Variants in BTD observed in about 807,000 individuals in gnomAD.
BTD encodes biotinidase, also known as biocytinase.
A neutral mutation model predicts 17.7 loss-of-function variants in BTD; 13 were observed. The observed-to-expected ratio is 0.74, with a 90% CI of 0.48 to 1.17. The LOEUF is 1.17. Ranked by LOEUF, BTD falls within the 50% of genes most tolerant of loss-of-function variation. BTD has a pLI of 0.00. For synonymous variants in BTD, 240 were observed against 245.2 expected, an observed-to-expected ratio of 0.98 and a Z score of 0.20; for missense variants, 674 against 650.4, an observed-to-expected ratio of 1.04 and a Z score of -0.39.
Position 15,649,308 on chromosome 3 carries a change from G to A in BTD, c.*3820G>A, listed in dbSNP as rs570558381. ...AAGAGAGCACAGGTGGAGCCATGAT[G>A]TCTTTTATTAACTAGTCTCAGAAGT... On this transcript the variant is annotated 3_prime_UTR_variant, in exon 4 of 4. Coordinates refer to ENST00000643237, the MANE Select transcript of BTD (RefSeq NM_001370658.1). 5.3e-5 allele frequency among the ~76,000 whole-genome samples: 8 copies of A among 152,340 alleles called. No individual in the cohort carries two copies. The highest frequency in any genetic ancestry group is 1.2e-4 in the Non-Finnish European group (8 of 68,040).
chr3:15,615,240 T>C (rs2064759265), intron 1 of BTD, among the ~76,000 whole-genome samples: 2 of 152,216 alleles, frequency 1.3e-5, no homozygotes, highest in South Asian at 4.1e-4. Context: ...ATGTATGTTG[T>C]GAGTTTTTGA....
At chr3:15,603,300 CCA>C (rs1396825282) in intron 1 of BTD, among the ~76,000 whole-genome samples, 1 of 152,214 alleles carries the variant, frequency 6.6e-6, no homozygotes. Context: ...ACTCGAAAGT[CCA>C]CAGTCCAGAG....
chr3:15,603,147 A>G (rs1465304845), intron 1 of BTD, among the ~76,000 whole-genome samples: 1 of 152,142 alleles, frequency 6.6e-6, no homozygotes, highest in African/African-American at 2.4e-5. Context: ...GGATTATGGG[A>G]GCTATAATTC....
At position 15,649,369 on chromosome 3, in the gene BTD, C is replaced by G. The variant is rs916704707; in HGVS notation, c.*3881C>G. ...CATTTGGCACCATCTTATTGAGTTA[C>G]ACAGGTCAGCCCTGCTCCCTATGGA... On this transcript the variant is annotated 3_prime_UTR_variant, in exon 4 of 4. Transcript: ENST00000643237. Among the ~76,000 whole-genome samples, 1 of 152,240 alleles carries G rather than the reference C, an allele frequency of 6.6e-6. No homozygotes were observed. The highest frequency in any genetic ancestry group is 1.5e-5 in the Non-Finnish European group (1 of 68,042).
chr3:15,611,806 T>G (rs552703843), intron 1 of BTD, among the ~76,000 whole-genome samples: 1 of 150,172 alleles, frequency 6.7e-6, no homozygotes, highest in African/African-American at 2.4e-5. Flanking sequence ...AAATAATGTA[T>G]TTTTTTTCTA....
downstream of BTD, among the ~76,000 whole-genome samples, chr3:15,656,453 C>T (rs1165677930): frequency 1.3e-5 from 2 of 152,178 alleles, no homozygotes; most frequent in African/African-American, 4.8e-5. Context: ...GGGAGGGACA[C>T]AGAGGTAGGG....
At position 15,604,763 on chromosome 3, in the gene BTD, C is replaced by A. The variant is rs777415134; in HGVS notation, c.-17+2869C>A. 4.4e-4 allele frequency among the ~76,000 whole-genome samples: 67 copies of A among 152,228 alleles called. 1 individual carries two copies. Among genetic ancestry groups the A allele is most frequent in the Non-Finnish European group, 8.8e-5 (6 of 68,026 alleles). ...TTCAAAGTTCCACAGATCTCTAGGA[C>A]AGGGGCAAAATGCCACTAGTCTCTT... is the stretch of plus-strand genomic sequence containing the variant. On this transcript the variant is annotated intron_variant, in intron 1 of 3. Coordinates refer to ENST00000643237, the MANE Select transcript of BTD (RefSeq NM_001370658.1).
At chr3:15,712,100 T>C in exon 4 of BTD, 1 of 1,499,534 alleles carries the variant, frequency 6.7e-7, no homozygotes, top group Non-Finnish European at 9.1e-7. Flanking sequence ...TTTTGAGGGG[T>C]TTGAGGAGAC....
At chr3:15,667,029 C>T (rs1008133785) in intron 3 of BTD, among the ~76,000 whole-genome samples, 1 of 152,284 alleles carries the variant, frequency 6.6e-6, no homozygotes, top group African/African-American at 2.4e-5. Context: ...TGGTTTTCTG[C>T]CCATTCCCAC....
chr3:15,701,912 A>G (rs2070688232), intron 3 of BTD, among the ~76,000 whole-genome samples: 1 of 152,192 alleles, frequency 6.6e-6, no homozygotes, highest in Non-Finnish European at 1.5e-5. Flanking sequence ...AATACTTTAC[A>G]GGCAAAAACA....
intron 1 of BTD, among the ~76,000 whole-genome samples, chr3:15,609,399 G>C (rs2064551161): frequency 6.6e-6 from 1 of 152,128 alleles, no homozygotes; most frequent in South Asian, 2.1e-4. Flanking sequence ...ATCGATATTT[G>C]GTCATTTTTA....
chr3:15,677,484 C>T, intron 3 of BTD: 2 of 1,609,898 alleles, frequency 1.2e-6, no homozygotes, highest in Non-Finnish European at 1.7e-6. Context: ...ACATACCTTG[C>T]TACAAGCCAA....
At chr3:15,715,281 T>C (rs2072869661), downstream of BTD, among the ~76,000 whole-genome samples, 3 of 152,300 alleles carry the variant, frequency 2.0e-5, no homozygotes, top group South Asian at 6.2e-4. Flanking sequence ...AAAACATACA[T>C]GTTACCAACG....
At chr3:15,696,793 CTTCAT>C (rs1485652029) in intron 3 of BTD, among the ~76,000 whole-genome samples, 2 of 152,166 alleles carry the variant, frequency 1.3e-5, no homozygotes, top group African/African-American at 4.8e-5. Context: ...ATAAGAGATA[CTTCAT>C]TTCATTTCTG....
chr3:15,708,857 T>C lies in BTD; in HGVS notation c.400-1203T>C, dbSNP rs112974829. Among the ~76,000 whole-genome samples the C allele has an allele frequency of 4.6e-3, 704 of 152,304 alleles. 1 individual carries two copies. Among genetic ancestry groups the C allele is most frequent in the South Asian group, 8.3e-3 (40 of 4,822 alleles). ...TCTGCACTGGTTCTATCACATGCAT[T>C]GACATATATTCACACATTTTCTTCT... On this transcript the variant is annotated intron_variant, in intron 3 of 3. Transcript: ENST00000672141.
exon 4 of BTD, among the ~76,000 whole-genome samples, chr3:15,710,411 G>A (rs2072093900): frequency 6.6e-6 from 1 of 152,154 alleles, no homozygotes; most frequent in South Asian, 2.1e-4. Flanking sequence ...AAGTTACGTG[G>A]AAGTTAGGTT....
At chr3:15,713,669 C>A (rs79678883), downstream of BTD, 7,167 of 1,465,396 alleles carry the variant, frequency 4.9e-3, 275 homozygotes, top group African/African-American at 0.086. Flanking sequence ...CTGTCAGACA[C>A]TGGACCATAT....
rs956796799 is a variant in BTD at position 15,610,630 on chromosome 3, A to G, written c.-17+8736A>G. Among the ~76,000 whole-genome samples the G allele has an allele frequency of 9.2e-5, 14 of 152,280 alleles. 4 individuals carry two copies. Among genetic ancestry groups the G allele is most frequent in the Admixed American group, 6.5e-5 (1 of 15,294 alleles). On this transcript the variant is annotated intron_variant, in intron 1 of 3. Transcript: ENST00000643237. The stretch of plus-strand genomic sequence containing the variant: ...TTTCTGTACTCTCTGTTCTTTTCCT[A>G]TCCTAACACCAATCCCACACTATCT...
chr3:15,685,257 T>C (rs1653751059), intron 3 of BTD: 1 of 1,613,924 alleles, frequency 6.2e-7, no homozygotes, highest in African/African-American at 1.3e-5. Flanking sequence ...GTGCCGTATA[T>C]CCATGATTGT....
Sources: gnomAD v4.1 joint callset for allele counts (sites outside exome capture counted in the v4.1 genomes callset) on GRCh38, gnomAD v4.1.1 for gene constraint, MANE v1.5 for transcripts, NCBI Gene and HGNC (gene_info 2026-07-23, HGNC 2026-07-21) for gene names.